ZRANB2: variants seen among roughly 807,000 people sequenced by gnomAD.
ZRANB2 encodes the protein zinc finger RANBP2-type containing 2, also known as zinc finger Ran-binding domain-containing protein 2.
A neutral mutation model predicts 53.4 loss-of-function variants in ZRANB2; 19 were observed. The ratio of observed to expected loss-of-function variants is 0.36; its 90% CI spans 0.25 to 0.52. The LOEUF (loss-of-function observed/expected upper bound fraction) is 0.52, where lower values mean the gene tolerates loss of function less well. ZRANB2 is among the 20% of genes least tolerant of loss of function. The probability of loss-of-function intolerance (pLI) is 0.93; values close to 1 mark genes in which losing one functional copy is unlikely to be tolerated. For missense variants in ZRANB2, 309 were observed against 401.1 expected (o/e 0.77, Z 1.96); for synonymous variants, 145 against 134.8 (o/e 1.08, Z -0.52).
intron 4 of ZRANB2, among the ~76,000 whole-genome samples, chr1:71,074,223 G>C (rs933453611): frequency 6.6e-6 from 1 of 152,074 alleles, no homozygotes; most frequent in Non-Finnish European, 1.5e-5. Context: ...ACCTTGCACA[G>C]TGGCCTATAA....
At position 71,065,039 on chromosome 1, in the gene ZRANB2, G is replaced by A; in HGVS notation, c.*35C>T. On this transcript the variant is annotated 3_prime_UTR_variant, in exon 10 of 10. Coordinates refer to ENST00000370920, the MANE Select transcript of ZRANB2 (RefSeq NM_203350.3). ...TCTTTAAAAATATGCTTCATGCACTGTACTGGATTTTTTTAAGATGTAAAT... is the reference window on the plus strand; with the variant it reads ...TCTTTAAAAATATGCTTCATGCACTATACTGGATTTTTTTAAGATGTAAAT... The A allele has an allele frequency of 6.7e-7, 1 of 1,502,856 alleles. No homozygotes were observed. Among genetic ancestry groups the A allele is most frequent in the Non-Finnish European group, 9.2e-7 (1 of 1,087,350 alleles). The allele number at this position is 1,502,856 out of a possible 1,614,324, so 93.1% of individuals were successfully genotyped here.
Position 71,065,018 on chromosome 1 carries a change from TA to T in ZRANB2, c.*55del. 7.4e-7 allele frequency: 1 copy of T among 1,350,838 alleles called. No homozygotes were observed. The allele number at this position is 1,350,838 out of a possible 1,614,324, so 83.7% of individuals were successfully genotyped here. On this transcript the variant is annotated 3_prime_UTR_variant, in exon 10 of 10. Coordinates refer to ENST00000370920, the MANE Select transcript of ZRANB2 (RefSeq NM_203350.3). ...TGACCAAGTAAGACACCAACTTCTT[TA>T]AAAATATGCTTCATGCACTGTACTG...
intron 4 of ZRANB2, among the ~76,000 whole-genome samples, chr1:71,073,708 G>C (rs79328040): frequency 6.6e-6 from 1 of 152,056 alleles, no homozygotes; most frequent in East Asian, 1.9e-4. Context: ...GACAAATATG[G>C]AAAGCTCAAA....
At chr1:71,076,756 T>A in intron 4 of ZRANB2, 39 bp downstream of exon 4, 5 of 1,474,570 alleles carry the variant, frequency 3.4e-6, no homozygotes, top group Non-Finnish European at 4.7e-6. Flanking sequence ...TTTAGTGCTT[T>A]AAAAAAAATC....
intron 6 of ZRANB2, 51 bp from the exon 7 acceptor site, chr1:71,071,047 C>T: frequency 6.9e-7 from 1 of 1,450,502 alleles, no homozygotes; most frequent in South Asian, 1.5e-5. Flanking sequence ...TGTTACCTAC[C>T]AGGAAAGATA....
chr1:71,075,762 T>A (rs1443830405), intron 4 of ZRANB2, among the ~76,000 whole-genome samples: 1 of 151,990 alleles, frequency 6.6e-6, no homozygotes, highest in Non-Finnish European at 1.5e-5. Context: ...GGCCTTAACT[T>A]ACCCAATCGG....
rs1573047472 is a variant in ZRANB2, at chr1:71,064,988, A to G, written c.*86T>C. 1.2e-6 allele frequency: 1 copy of G among 861,910 alleles called. No homozygotes were observed. The highest frequency in any genetic ancestry group is 1.8e-6 in the Non-Finnish European group (1 of 543,556). 53.4% of individuals were successfully genotyped at this position (861,910 alleles called of 1,614,324 possible). ...ATGCACCTCTACTAGCAGATTTAGC[A>G]CTTCTGACCAAGTAAGACACCAACT... On this transcript the variant is annotated 3_prime_UTR_variant, in exon 10 of 10. Coordinates refer to ENST00000370920, the MANE Select transcript of ZRANB2 (RefSeq NM_203350.3).
rs915943848 is a variant in ZRANB2 at position 71,070,906 on chromosome 1, T to G, written c.604A>C (p.Ser202Arg). ...TGTGAAGATCGAGACTTTGAGCGAC[T>G]TCGTCTATTAGATTTCTTTTTATTA... ...DSNKKKSNRR[S>R]RSKSRSSHSR... Residue 202 changes from serine (S) to arginine (R), a missense_variant, in exon 7 of 10, where the codon AGT becomes CGT. Transcript: ENST00000370920. 6.2e-7 allele frequency: 1 copy of G among 1,611,750 alleles called. No homozygotes were observed. The highest frequency in any genetic ancestry group is 1.3e-5 in the African/African-American group (1 of 74,926).
In ZRANB2 at chr1:71,064,981, A is replaced by G; in HGVS notation, c.*93T>C. 1.3e-6 allele frequency: 1 copy of G among 788,554 alleles called. No homozygotes were observed. The highest frequency in any genetic ancestry group is 2.1e-6 in the Non-Finnish European group (1 of 482,884). The allele number at this position is 788,554 out of a possible 1,614,324, so 48.8% of individuals were successfully genotyped here. ...GAAAGGCATGCACCTCTACTAGCAG[A>G]TTTAGCACTTCTGACCAAGTAAGAC... On this transcript the variant is annotated 3_prime_UTR_variant, in exon 10 of 10. Coordinates refer to ENST00000370920, the MANE Select transcript of ZRANB2 (RefSeq NM_203350.3).
intron 8 of ZRANB2, 84 bp from the exon 9 acceptor site, chr1:71,067,018 T>C (rs1175716067): frequency 7.5e-7 from 1 of 1,335,894 alleles, no homozygotes; most frequent in East Asian, 2.6e-5. Context: ...GCTCCAAAAA[T>C]AAACAGGATT....
chr1:71,065,945 C>G, intron 9 of ZRANB2: 1 of 722,024 alleles, frequency 1.4e-6, no homozygotes, highest in South Asian at 2.3e-5. Flanking sequence ...CATCTAAACT[C>G]CAAAATGTGA....
In ZRANB2 at chr1:71,069,181, G is replaced by A. The variant is rs917344817; in HGVS notation, c.770+95C>T. 38 of 1,000,998 alleles carry A rather than the reference G, an allele frequency of 3.8e-5. 1 individual carries two copies. In the African/African-American group the frequency reaches 5.6e-4, roughly 15 times the overall value. 62.0% of individuals were successfully genotyped at this position (1,000,998 alleles called of 1,614,324 possible). The stretch of plus-strand genomic sequence containing the variant: ...TCTAATGCTAAAATAAAATCGACAA[G>A]TAGAAGCAAAATAAGGGGAAAAAAA... On this transcript the variant is annotated intron_variant, in intron 8 of 9. Coordinates refer to ENST00000370920, the MANE Select transcript of ZRANB2 (RefSeq NM_203350.3).
At chr1:71,071,488 T>A (rs1482688837) in intron 6 of ZRANB2, among the ~76,000 whole-genome samples, 1 of 152,162 alleles carries the variant, frequency 6.6e-6, no homozygotes, top group African/African-American at 2.4e-5. Context: ...TTTCTTTAGT[T>A]GCATTCCAAG....
intron 9 of ZRANB2, chr1:71,065,600 T>C (rs1557788695): frequency 2.7e-6 from 4 of 1,493,284 alleles, no homozygotes; most frequent in Middle Eastern, 1.8e-4. Flanking sequence ...GTTTTGGAAA[T>C]CTAGGTCACA....
At chr1:71,068,785 G>A (rs1661523208) in intron 8 of ZRANB2, among the ~76,000 whole-genome samples, 1 of 150,936 alleles carries the variant, frequency 6.6e-6, no homozygotes, top group Non-Finnish European at 1.5e-5. Flanking sequence ...AATTTTATTT[G>A]AACTACTATT....
intron 9 of ZRANB2, chr1:71,065,903 A>G: frequency 2.6e-6 from 3 of 1,167,850 alleles, no homozygotes; most frequent in Non-Finnish European, 3.6e-6. Flanking sequence ...AAAGAAACAA[A>G]TGCAGAGAAA....
At position 71,069,352 on chromosome 1, in the gene ZRANB2, T is replaced by C; in HGVS notation, c.694A>G (p.Arg232Gly). ...SSRSRSRSRS[R>G]SSSSSQSRSR... ...CTTGACTGCGAACTGGAAGAACTTC[T>C]TGAACGGGACCTGGAACAACATGGA... Residue 232 changes from arginine to glycine, a missense_variant, in exon 8 of 10, where the codon AGA becomes GGA. By Grantham distance (125) the Arg-to-Gly change is moderately radical. This residue lies in a region of ZRANB2 where 211 missense variants were observed against 196.1 expected (regional missense o/e 1.08). Coordinates refer to ENST00000370920, the MANE Select transcript of ZRANB2 (RefSeq NM_203350.3). 1.2e-6 allele frequency: 2 copies of C among 1,613,166 alleles called. No homozygotes were observed. Among genetic ancestry groups the C allele is most frequent in the Non-Finnish European group, 1.7e-6 (2 of 1,179,478 alleles).
intron 5 of ZRANB2, 100 bp downstream of exon 5, chr1:71,072,372 C>A: frequency 6.9e-7 from 1 of 1,442,838 alleles, no homozygotes; most frequent in Non-Finnish European, 9.4e-7. Context: ...TTGCTGAAGA[C>A]TCAAATTGCA....
At chr1:71,070,750 G>GA in intron 7 of ZRANB2, 77 bp downstream of exon 7, 1 of 960,420 alleles carries the variant, frequency 1.0e-6, no homozygotes, top group East Asian at 2.7e-5. Flanking sequence ...ATTTCGTCAA[G>GA]AAAAACAAAA....
Sources: gnomAD v4.1 joint callset for allele counts (sites outside exome capture counted in the v4.1 genomes callset) on GRCh38, gnomAD v4.1.1 for gene constraint, gnomAD v4.1.1 regional missense constraint, MANE v1.5 for transcripts, NCBI Gene and HGNC (gene_info 2026-07-23, HGNC 2026-07-21) for gene names.